The following NRAP variants were observed in gnomAD, a reference collection of about 807,000 sequenced individuals.
NRAP encodes nebulin-related-anchoring protein.
Under a neutral mutation model 225.9 loss-of-function variants are expected in NRAP, and 189 were observed. The ratio of observed to expected loss-of-function variants is 0.84; its 90% CI spans 0.74 to 0.94. The LOEUF (loss-of-function observed/expected upper bound fraction) is 0.94, where lower values mean the gene tolerates loss of function less well. Among genes scored for constraint, NRAP ranks in the 40% least tolerant of loss-of-function variants. NRAP has a pLI of 0.00. For missense variants in NRAP, 2,176 were observed against 2,168.7 expected, an observed-to-expected ratio of 1.00 and a Z score of -0.07; for synonymous variants, 769 against 790.7, an observed-to-expected ratio of 0.97 and a Z score of 0.46.
chr10:113,630,217 G>C (rs973448253), intron 18 of NRAP, among the ~76,000 whole-genome samples: 4 of 152,204 alleles, frequency 2.6e-5, no homozygotes, highest in African/African-American at 9.6e-5. Flanking sequence ...AGACTGTTGT[G>C]ATAAGTAAAT....
At chr10:113,599,593 T>A (rs1335167081) in intron 35 of NRAP, among the ~76,000 whole-genome samples, 1 of 152,110 alleles carries the variant, frequency 6.6e-6, no homozygotes, top group Non-Finnish European at 1.5e-5. Flanking sequence ...AGATGCAGGT[T>A]CCCCAAAGAT....
chr10:113,627,886 T>A (rs763167659), intron 20 of NRAP, among the ~76,000 whole-genome samples: 1 of 152,226 alleles, frequency 6.6e-6, no homozygotes, highest in Non-Finnish European at 1.5e-5. Context: ...AGTATGTATA[T>A]AATACGCCCA....
chr10:113,590,733 G>A lies in NRAP; in HGVS notation c.4801C>T (p.His1601Tyr), dbSNP rs768500367. The A allele has an allele frequency of 6.2e-7, 1 of 1,614,176 alleles. No individual in the cohort carries two copies. Among genetic ancestry groups the A allele is most frequent in the Non-Finnish European group, 8.5e-7 (1 of 1,179,988 alleles). The part of the protein sequence containing the change: ...KDFAKSRSQF[H>Y]SSTDQPGLLQ... Reference sequence around the variant, plus strand: ...AGGCCGGGCTGGTCTGTGCTGCTGTGAAACTGGGACCGACTCTTGGCAAAG... The same window carrying A: ...AGGCCGGGCTGGTCTGTGCTGCTGTAAAACTGGGACCGACTCTTGGCAAAG... The change falls in exon 40 of 42, where the codon CAC (histidine) becomes TAC (tyrosine). Residue 1601 changes from histidine (H) to tyrosine (Y), a missense_variant. By Grantham distance (83) the His-to-Tyr change is moderately conservative. Around this residue, in one of 3 missense-constraint regions of NRAP, gnomAD observed 445 missense variants for 426.1 expected, o/e 1.04. Transcript: ENST00000359988.
At chr10:113,606,146 C>A in intron 33 of NRAP, 32 bp downstream of exon 33, 1 of 1,479,836 alleles carries the variant, frequency 6.8e-7, no homozygotes. Flanking sequence ...GGCTTTGGAG[C>A]ATGCTTGAAC....
At chr10:113,616,281 TGG>T (rs1847657922) in intron 26 of NRAP, among the ~76,000 whole-genome samples, 1 of 152,170 alleles carries the variant, frequency 6.6e-6, no homozygotes, top group Admixed American at 6.5e-5. Flanking sequence ...TGGGTGGATC[TGG>T]GACTCTATTT....
rs150671645 is a variant in NRAP, at chr10:113,629,783, A to G, written c.1845T>C (p.Val615=). 14 of 1,608,482 alleles carry G rather than the reference A, an allele frequency of 8.7e-6. No homozygotes were observed. Among genetic ancestry groups the G allele is most frequent in the African/African-American group, 1.3e-5 (1 of 74,772 alleles). ...SLQIAKMSSE[V]EYKKGFEESK... ...TCTCTTCAAAGCCTTTCTTATATTC[A>G]ACCTTGAATATACCAAAACAAGGCC... The change falls in exon 19 of 42, where the codon GTT becomes GTC. Residue 615 remains valine, a splice_region_variant and synonymous_variant. Coordinates refer to ENST00000359988, the MANE Select transcript of NRAP (RefSeq NM_198060.4).
At chr10:113,637,374 G>A (rs3127098) in intron 14 of NRAP, among the ~76,000 whole-genome samples, 84,229 of 152,004 alleles carry the variant, frequency 0.55, 24,581 homozygotes, top group East Asian at 0.73. Context: ...AATCCCAGGA[G>A]TCTGCCTCGC....
chr10:113,632,790 C>A (rs973093908), intron 16 of NRAP, among the ~76,000 whole-genome samples: 8 of 152,228 alleles, frequency 5.3e-5, no homozygotes, highest in African/African-American at 7.2e-5. Context: ...CTCCACACAG[C>A]AAATCACCAG....
chr10:113,645,355 C>T (rs1469753790), intron 11 of NRAP, among the ~76,000 whole-genome samples: 4 of 152,166 alleles, frequency 2.6e-5, no homozygotes, highest in South Asian at 2.1e-4. Context: ...TGCATTTTAC[C>T]GCATATCTGT....
Position 113,631,535 on chromosome 10 carries a change from G to A in NRAP, c.1816C>T (p.Leu606=), listed in dbSNP as rs761925898. 2 of 1,609,040 alleles carry A rather than the reference G, an allele frequency of 1.2e-6. No homozygotes were observed. Among genetic ancestry groups the A allele is most frequent in the Admixed American group, 1.7e-5 (1 of 59,516 alleles). ...GTADSRLLHS[L]QIAKMSSEVE... is the part of the protein sequence containing the mutation. Reference sequence around the variant, plus strand: ...TCACTGCTCATCTTAGCAATCTGCAGGGAGTGCAGAAGCCTAGAGTCGGCT... The same window carrying A: ...TCACTGCTCATCTTAGCAATCTGCAAGGAGTGCAGAAGCCTAGAGTCGGCT... The change falls in exon 18 of 42, where the codon CTG becomes TTG. Residue 606 remains leucine, a synonymous_variant. Coordinates refer to ENST00000359988, the MANE Select transcript of NRAP (RefSeq NM_198060.4).
At chr10:113,640,709 A>G (rs1339313436) in intron 13 of NRAP, among the ~76,000 whole-genome samples, 1 of 152,214 alleles carries the variant, frequency 6.6e-6, no homozygotes, top group African/African-American at 2.4e-5. Flanking sequence ...TAAAGATCAA[A>G]TTGACATTCT....
chr10:113,633,962 A>T, intron 15 of NRAP, 150 bp downstream of exon 15: 2 of 633,638 alleles, frequency 3.2e-6, no homozygotes, highest in Non-Finnish European at 2.8e-6. Context: ...CATAATAAAA[A>T]GTTTAAAAGA....
chr10:113,622,137 A>G lies in NRAP; in HGVS notation c.2501T>C (p.Ile834Thr), dbSNP rs112597942. ...ATCTCCCTGTACATCTTTTGCCCCA[A>G]TGAGCTTCCCTCTGGATCTCTCATA... ...EDYERSRGKL[I>T]GAKDVQGDSQ... The change falls in exon 24 of 42, where the codon ATT becomes ACT. Residue 834 changes from isoleucine to threonine, a missense_variant. Coordinates refer to ENST00000359988, the MANE Select transcript of NRAP (RefSeq NM_198060.4). 1.6e-3 allele frequency: 2,504 copies of G among 1,614,042 alleles called. 1 individual carries two copies. Among genetic ancestry groups the G allele is most frequent in the Middle Eastern group, 0.011 (65 of 6,062 alleles).
intron 9 of NRAP, among the ~76,000 whole-genome samples, chr10:113,647,645 C>CCCCCCGGTGGTACTGTCT (rs1849639810): frequency 6.0e-5 from 2 of 33,416 alleles, no homozygotes; most frequent in Non-Finnish European, 1.6e-4. Flanking sequence ...GGTACTGTCT[C>CCCCCCGGTGGTACTGTCT]CCCCCGGTGG....
chr10:113,648,630 G>C (rs1430485085), intron 9 of NRAP, among the ~76,000 whole-genome samples: 1 of 151,976 alleles, frequency 6.6e-6, no homozygotes, highest in Admixed American at 6.6e-5. Context: ...ATAGTTATCT[G>C]CCTGCTGGCT....
chr10:113,594,290 C>T (rs1846160408), intron 38 of NRAP, among the ~76,000 whole-genome samples: 1 of 152,186 alleles, frequency 6.6e-6, no homozygotes, highest in African/African-American at 2.4e-5. Context: ...TCTACACGCC[C>T]CCGAAGAAGT....
Position 113,633,117 on chromosome 10 carries a change from C to T in NRAP, c.1599G>A (p.Val533=). The change falls in exon 16 of 42, where the codon GTG becomes GTA. Residue 533 remains valine, a synonymous_variant. Coordinates refer to ENST00000359988, the MANE Select transcript of NRAP (RefSeq NM_198060.4). ...AGAGTTTGGCATTGGTTTTGGCCTTCACCAGCTGAGGAACATCCTGGGGCA... is the reference window on the plus strand; with the variant it reads ...AGAGTTTGGCATTGGTTTTGGCCTTTACCAGCTGAGGAACATCCTGGGGCA... ...YTLPQDVPQL[V]KAKTNAKLFS... The T allele has an allele frequency of 1.2e-6, 2 of 1,608,440 alleles. No individual in the cohort carries two copies. Among genetic ancestry groups the T allele is most frequent in the Non-Finnish European group, 1.7e-6 (2 of 1,174,852 alleles).
intron 9 of NRAP, among the ~76,000 whole-genome samples, chr10:113,648,303 C>G (rs1849703907): frequency 6.6e-6 from 1 of 152,110 alleles, no homozygotes; most frequent in Non-Finnish European, 1.5e-5. Flanking sequence ...GCCTGGCTGA[C>G]AGAAGGTTCT....
chr10:113,627,884 T>C (rs1349378966), intron 20 of NRAP, among the ~76,000 whole-genome samples: 1 of 152,254 alleles, frequency 6.6e-6, no homozygotes, highest in Non-Finnish European at 1.5e-5. Context: ...ACAGTATGTA[T>C]ATAATACGCC....
Sources: gnomAD v4.1 joint callset for allele counts (sites outside exome capture counted in the v4.1 genomes callset) on GRCh38, gnomAD v4.1.1 for gene constraint, gnomAD v4.1.1 regional missense constraint, MANE v1.5 for transcripts, NCBI Gene and HGNC (gene_info 2026-07-23, HGNC 2026-07-21) for gene names.